The following RARB variants were observed in gnomAD, a reference collection of about 807,000 sequenced individuals.
RARB encodes the protein HBV-activated protein.
RARB carries 17 observed loss-of-function variants against 51.9 expected under a neutral mutation model. The ratio of observed to expected loss-of-function variants is 0.33; its 90% confidence interval spans 0.22 to 0.49. RARB has a LOEUF of 0.49. Among genes scored for constraint, RARB ranks in the 20% least tolerant of loss-of-function variants. The pLI is 0.99. For synonymous variants in RARB, 215 were observed against 195.4 expected, an observed-to-expected ratio of 1.10 and a Z score of -0.84; for missense variants, 369 against 550.8, an observed-to-expected ratio of 0.67 and a Z score of 3.30.
chr3:25,204,033 T>G (rs533971218), intron 5 of RARB, among the ~76,000 whole-genome samples: 15 of 152,366 alleles, frequency 9.8e-5, no homozygotes, highest in African/African-American at 3.1e-4. Flanking sequence ...TTTTCCAACT[T>G]GGTTCCATTC....
At chr3:25,242,921 T>C (rs1374758379) in intron 5 of RARB, among the ~76,000 whole-genome samples, 1 of 152,242 alleles carries the variant, frequency 6.6e-6, no homozygotes, top group Non-Finnish European at 1.5e-5. Flanking sequence ...TTCACAATTT[T>C]GATTTTTCCT....
At chr3:25,257,315 G>C (rs531790435) in intron 5 of RARB, among the ~76,000 whole-genome samples, 2 of 152,056 alleles carry the variant, frequency 1.3e-5, no homozygotes, top group East Asian at 1.9e-4. Context: ...CCAGCACAGA[G>C]GAGTGAGAGT....
rs1704170281 is a variant in RARB, at chr3:25,307,064, ATT to A, written c.178+132490_178+132491del. Among the ~76,000 whole-genome samples, 3 of 152,174 alleles carry A rather than the reference ATT, an allele frequency of 2.0e-5. No individual in the cohort carries two copies. In the East Asian group the frequency reaches 5.8e-4, roughly 29 times the overall value. On this transcript the variant is annotated intron_variant, in intron 5 of 11. Coordinates refer to the RARB transcript ENST00000383772. ...AGTCTAGAAAACACTCATGATACCT[ATT>A]AGGTATTTATCCAAATTAGTTAAAA...
At chr3:25,267,242 T>C (rs920108485) in intron 5 of RARB, among the ~76,000 whole-genome samples, 6 of 152,172 alleles carry the variant, frequency 3.9e-5, no homozygotes, top group African/African-American at 9.6e-5. Context: ...AACCAGACTT[T>C]ATTTAGAGAG....
At chr3:25,336,639 G>A (rs924811888) in intron 5 of RARB, among the ~76,000 whole-genome samples, 2 of 152,042 alleles carry the variant, frequency 1.3e-5, no homozygotes, top group Non-Finnish European at 2.9e-5. Context: ...AACAACATAT[G>A]GTACTTGAAA....
intron 3 of RARB, among the ~76,000 whole-genome samples, chr3:25,082,400 T>G (rs1281738541): frequency 1.3e-5 from 2 of 152,110 alleles, no homozygotes; most frequent in African/African-American, 4.8e-5. Context: ...TTTTAGTATT[T>G]TGATTTTTTC....
intron 2 of RARB, among the ~76,000 whole-genome samples, chr3:25,009,070 TC>T (rs1318235607): frequency 2.0e-5 from 3 of 152,122 alleles, no homozygotes; most frequent in Non-Finnish European, 4.4e-5. Context: ...TCTAAATCAG[TC>T]CCTTCTAATT....
In RARB at chr3:25,204,671, G is replaced by T. The variant is rs148228219; in HGVS notation, c.178+30096G>T. ...CAGGACCCTCAGCTGCAGGTCTGTT[G>T]GAGTTTGCTGGAGGTTCACTCCAGA... On this transcript the variant is annotated intron_variant, in intron 5 of 11. Transcript: ENST00000383772. 3.2e-3 allele frequency among the ~76,000 whole-genome samples: 485 copies of T among 152,278 alleles called. 3 individuals carry two copies. Among genetic ancestry groups the T allele is most frequent in the African/African-American group, 0.011 (454 of 41,556 alleles).
intron 2 of RARB, among the ~76,000 whole-genome samples, chr3:24,955,895 T>G (rs1253629469): frequency 2.0e-5 from 3 of 152,106 alleles, no homozygotes; most frequent in African/African-American, 7.2e-5. Flanking sequence ...ATAGGTAAAA[T>G]ATCTCTCTGG....
intron 3 of RARB, among the ~76,000 whole-genome samples, chr3:25,115,397 C>T (rs554112172): frequency 1.3e-5 from 2 of 152,250 alleles, no homozygotes; most frequent in South Asian, 2.1e-4. Context: ...TAGAAAGGAA[C>T]AGTAACAATT....
At chr3:25,239,193 T>C (rs1295671489) in intron 5 of RARB, among the ~76,000 whole-genome samples, 6 of 152,252 alleles carry the variant, frequency 3.9e-5, no homozygotes, top group African/African-American at 1.4e-4. Context: ...TTGTATATTC[T>C]GGATATTAGT....
chr3:24,895,511 G>A (rs1446519537), intron 2 of RARB, among the ~76,000 whole-genome samples: 1 of 151,988 alleles, frequency 6.6e-6, no homozygotes, highest in Admixed American at 6.6e-5. Flanking sequence ...ATTTATCAAG[G>A]TGTAGTTGTT....
At chr3:25,092,134 C>T (rs1250116484) in intron 3 of RARB, among the ~76,000 whole-genome samples, 1 of 152,144 alleles carries the variant, frequency 6.6e-6, no homozygotes. Flanking sequence ...CTCCAGAAAT[C>T]TGCTGACGAG....
intron 1 of RARB, among the ~76,000 whole-genome samples, chr3:24,837,277 C>T (rs954899467): frequency 6.6e-6 from 1 of 152,186 alleles, no homozygotes; most frequent in African/African-American, 2.4e-5. Context: ...AAAGTTTAAA[C>T]AGTCTTGTGT....
At chr3:25,085,747 G>T (rs1699093255) in intron 3 of RARB, among the ~76,000 whole-genome samples, 1 of 151,982 alleles carries the variant, frequency 6.6e-6, no homozygotes, top group Admixed American at 6.6e-5. Flanking sequence ...CTCCATAATT[G>T]CTCAGACTTG....
Position 25,080,721 on chromosome 3 carries a change from T to A in RARB, c.-328+20545T>A, listed in dbSNP as rs573565709. On this transcript the variant is annotated intron_variant, in intron 3 of 11. Coordinates refer to the RARB transcript ENST00000383772. The stretch of plus-strand genomic sequence containing the variant: ...CATTTTTTTACATTCTTTGGAGAAA[T>A]CTATATTTAAGCCACTTGCCTATTT... 5.3e-5 allele frequency among the ~76,000 whole-genome samples: 8 copies of A among 152,300 alleles called. No individual in the cohort carries two copies. In the East Asian group the frequency reaches 1.5e-3, roughly 29 times the overall value.
At chr3:25,509,816 T>C (rs549768189) in intron 3 of RARB, among the ~76,000 whole-genome samples, 1 of 152,222 alleles carries the variant, frequency 6.6e-6, no homozygotes, top group South Asian at 2.1e-4. Context: ...AGAGACAAAG[T>C]TGCCCTTCCC....
intron 5 of RARB, among the ~76,000 whole-genome samples, chr3:25,225,248 A>G (rs1702030852): frequency 6.6e-6 from 1 of 152,170 alleles, no homozygotes; most frequent in African/African-American, 2.4e-5. Flanking sequence ...AAGGATTTCA[A>G]TGTGGAAAGT....
chr3:24,936,574 G>A lies in RARB; in HGVS notation c.-380+77822G>A, dbSNP rs532460658. Among the ~76,000 whole-genome samples, 11 of 152,242 alleles carry A rather than the reference G, an allele frequency of 7.2e-5. 1 individual carries two copies. In the East Asian group the frequency reaches 2.1e-3, roughly 29 times the overall value. The stretch of plus-strand genomic sequence containing the variant: ...GATAGGGGGATTAATTAGCAATAAA[G>A]CAACATGAGAAAGAGGGAAAGAAAA... On this transcript the variant is annotated intron_variant, in intron 2 of 11. Coordinates refer to the RARB transcript ENST00000383772.
Sources: gnomAD v4.1 joint callset for allele counts (sites outside exome capture counted in the v4.1 genomes callset) on GRCh38, gnomAD v4.1.1 for gene constraint, MANE v1.5 for transcripts, NCBI Gene and HGNC (gene_info 2026-07-23, HGNC 2026-07-21) for gene names.